The following RADIL variants were observed in gnomAD, a reference collection of about 807,000 sequenced individuals.
RADIL encodes Rap associating with DIL domain, also known as ras-associating and dilute domain-containing protein.
RADIL carries 99 observed loss-of-function variants against 97.6 expected under a neutral mutation model. That is an observed-to-expected ratio of 1.01 (90% CI 0.86 to 1.20). The LOEUF is 1.20. RADIL is among the 50% of genes most tolerant of loss of function. The probability of loss-of-function intolerance (pLI) is 0.00; values close to 1 mark genes in which losing one functional copy is unlikely to be tolerated. For synonymous variants in RADIL, 803 were observed against 691.8 expected, an observed-to-expected ratio of 1.16 and a Z score of -2.52; for missense variants, 1,765 against 1,498.9, an observed-to-expected ratio of 1.18 and a Z score of -2.93.
chr7:4,830,365 T>C (rs973202108), intron 5 of RADIL, among the ~76,000 whole-genome samples: 1 of 151,634 alleles, frequency 6.6e-6, no homozygotes, highest in African/African-American at 2.4e-5. Flanking sequence ...GGGCTGCACG[T>C]CTGTATCAGA....
At chr7:4,871,982 C>T (rs1784266731) in intron 2 of RADIL, among the ~76,000 whole-genome samples, 1 of 152,168 alleles carries the variant, frequency 6.6e-6, no homozygotes, top group African/African-American at 2.4e-5. Flanking sequence ...TCCCTGTCTC[C>T]AGGAACGCAT....
intron 11 of RADIL, among the ~76,000 whole-genome samples, chr7:4,802,643 C>T (rs1203119718): frequency 2.4e-5 from 3 of 124,720 alleles, no homozygotes. Context: ...CCTCCCCGGG[C>T]ACCTCGGGGC....
At chr7:4,836,685 C>G (rs1783310428) in intron 2 of RADIL, 80 bp from the exon 3 acceptor site, 2 of 1,567,734 alleles carry the variant, frequency 1.3e-6, no homozygotes, top group Non-Finnish European at 1.7e-6. Context: ...CCCCTGTAAT[C>G]CCAGCACTTT....
Position 4,877,755 on chromosome 7 carries a change from G to T in RADIL, c.385C>A (p.Arg129=). ...AGDAGQRWQA[R]CFRVFGDSEK... is the part of the protein sequence containing the mutation. ...CTGTCCCCAAACACCCGAAAGCACC[G>T]GGCCTGCCACCGCTGCCCAGCATCG... Residue 129 remains arginine, a synonymous_variant, in exon 2 of 15, where the codon CGG becomes AGG. Coordinates refer to ENST00000399583, the MANE Select transcript of RADIL (RefSeq NM_018059.5). The T allele has an allele frequency of 6.2e-7, 1 of 1,613,520 alleles. No homozygotes were observed. Among genetic ancestry groups the T allele is most frequent in the Non-Finnish European group, 8.5e-7 (1 of 1,180,020 alleles).
chr7:4,807,996 TC>T, intron 9 of RADIL, among the ~76,000 whole-genome samples: 4 of 70,128 alleles, frequency 5.7e-5, no homozygotes, highest in African/African-American at 2.0e-4. Flanking sequence ...CCTGTCTCTC[TC>T]CCCTCCCTCC....
At chr7:4,832,687 C>T (rs141265789) in intron 4 of RADIL, among the ~76,000 whole-genome samples, 2,230 of 140,530 alleles carry the variant, frequency 0.016, 31 homozygotes, top group Middle Eastern at 0.034. Flanking sequence ...TGCAGTGAGA[C>T]GAGATCACGC....
At chr7:4,826,304 T>C (rs1782974190) in intron 5 of RADIL, among the ~76,000 whole-genome samples, 2 of 152,050 alleles carry the variant, frequency 1.3e-5, no homozygotes, top group African/African-American at 4.8e-5. Flanking sequence ...ATAATGTCAG[T>C]AATAAAATGA....
intron 2 of RADIL, among the ~76,000 whole-genome samples, chr7:4,869,224 C>T (rs545621950): frequency 9.7e-4 from 147 of 152,318 alleles, no homozygotes; most frequent in African/African-American, 3.4e-3. Context: ...CCTTGACCTT[C>T]TGGGCTCAAG....
Position 4,877,984 on chromosome 7 carries a change from G to T in RADIL, c.156C>A (p.Pro52=), listed in dbSNP as rs763500072. 10 of 1,612,086 alleles carry T rather than the reference G, an allele frequency of 6.2e-6. No individual in the cohort carries two copies. In the Admixed American group the frequency reaches 1.5e-4, roughly 24 times the overall value. Residue 52 remains proline, a synonymous_variant, in exon 2 of 15, where the codon CCC becomes CCA. Transcript: ENST00000399583. ...CCGACAGCTGGGTGGAGAGCTCGGC[G>T]GGGTCATCGCTGGCGCCCAGGCTGG... is the stretch of plus-strand genomic sequence containing the variant. ...TFSSLGASDD[P]AELSTQLSAP...
chr7:4,803,542 G>C lies in RADIL; in HGVS notation c.2499+4C>G. Reference sequence around the variant, plus strand: ...GCTGGCTGGGGGGCCCCCTCCCCGGGTACCTCGGGGCACACTGGCTGGGAG... The same window carrying C: ...GCTGGCTGGGGGGCCCCCTCCCCGGCTACCTCGGGGCACACTGGCTGGGAG... On this transcript the variant is annotated splice_donor_region_variant and intron_variant, in intron 11 of 14. Transcript: ENST00000399583. 3.3e-6 allele frequency: 5 copies of C among 1,533,334 alleles called. No individual in the cohort carries two copies. The highest frequency in any genetic ancestry group is 2.3e-4 in the Middle Eastern group (1 of 4,326). 95.0% of individuals were successfully genotyped at this position (1,533,334 alleles called of 1,614,324 possible). A position where few individuals can be genotyped will look rare whatever the true frequency, so the allele number is the denominator to read the frequency against.
chr7:4,861,851 G>GCGACCTT (rs773175652), intron 2 of RADIL: 3 of 1,352,362 alleles, frequency 2.2e-6, no homozygotes, highest in Non-Finnish European at 2.9e-6. Context: ...CCCCACCACC[G>GCGACCTT]CGACCTTCGC....
rs772877747 is a variant in RADIL, at chr7:4,797,661, C to T, written c.*1717G>A. The T allele has an allele frequency of 2.6e-5, 4 of 152,252 alleles. No individual in the cohort carries two copies. The highest frequency in any genetic ancestry group is 5.9e-5 in the Non-Finnish European group (4 of 68,056). The allele number at this position is 152,252 out of a possible 1,614,324, so 9.4% of individuals were successfully genotyped here. ...TGAGACATTCTCGGCAGTGCTAACACACACGTTGTGGGACTCCTAGGAAAA... is the reference window on the plus strand; with the variant it reads ...TGAGACATTCTCGGCAGTGCTAACATACACGTTGTGGGACTCCTAGGAAAA... On this transcript the variant is annotated 3_prime_UTR_variant, in exon 15 of 15. Transcript: ENST00000399583.
At chr7:4,820,235 C>T (rs907000604) in intron 6 of RADIL, among the ~76,000 whole-genome samples, 11 of 152,202 alleles carry the variant, frequency 7.2e-5, no homozygotes, top group African/African-American at 1.9e-4. Flanking sequence ...GGCCACCTGC[C>T]GGCTGCAAAT....
rs1784300145 is a variant in RADIL, at chr7:4,873,452, G to A, written c.535+4153C>T. Reference sequence around the variant, plus strand: ...TTCCCTTTCTCGCCACTTTTTCCAGGTGAGATCGAACTGTTATCTCACCAG... The same window carrying A: ...TTCCCTTTCTCGCCACTTTTTCCAGATGAGATCGAACTGTTATCTCACCAG... On this transcript the variant is annotated intron_variant, in intron 2 of 14. Transcript: ENST00000399583. The surrounding 1 kb of genome is among the most constrained non-coding windows in gnomAD (Gnocchi z 4.3). Among the ~76,000 whole-genome samples the A allele has an allele frequency of 2.6e-5, 4 of 152,222 alleles. 1 individual carries two copies. Among genetic ancestry groups the A allele is most frequent in the African/African-American group, 9.6e-5 (4 of 41,524 alleles).
Position 4,865,151 on chromosome 7 carries a change from C to T in RADIL, c.535+12454G>A, listed in dbSNP as rs530563933. 2.6e-5 allele frequency among the ~76,000 whole-genome samples: 4 copies of T among 152,318 alleles called. No individual in the cohort carries two copies. In the South Asian group the frequency reaches 8.3e-4, roughly 32 times the overall value. ...GCTCTCTACCTGGTTGGTGTGTTGT[C>T]ATCTTTGAGACTGGCTTACATTTCA... On this transcript the variant is annotated intron_variant, in intron 2 of 14. Coordinates refer to ENST00000399583, the MANE Select transcript of RADIL (RefSeq NM_018059.5).
At chr7:4,876,117 G>C (rs924442603) in intron 2 of RADIL, among the ~76,000 whole-genome samples, 1 of 151,924 alleles carries the variant, frequency 6.6e-6, no homozygotes, top group African/African-American at 2.4e-5. Flanking sequence ...GCCTCCTGAG[G>C]AGCTGGGACC....
At chr7:4,805,475 C>T in intron 10 of RADIL, 91 bp downstream of exon 10, 3 of 1,434,832 alleles carry the variant, frequency 2.1e-6, no homozygotes, top group Non-Finnish European at 2.8e-6. Context: ...CCACACCCCA[C>T]TTCAGTTGGG....
intron 11 of RADIL, among the ~76,000 whole-genome samples, chr7:4,802,639 C>T (rs1314108790): frequency 7.5e-6 from 1 of 133,534 alleles, no homozygotes; most frequent in Admixed American, 7.3e-5. Context: ...ACCCCCTCCC[C>T]GGGCACCTCG....
rs375398645 is a variant in RADIL, at chr7:4,832,127, C to A, written c.1454+14G>T. Reference sequence around the variant, plus strand: ...GCTGCCCAGAGGCGGGCACAATAACCGGGTCATACTCACAGTTGCGCCTGC... The same window carrying A: ...GCTGCCCAGAGGCGGGCACAATAACAGGGTCATACTCACAGTTGCGCCTGC... On this transcript the variant is annotated intron_variant, in intron 5 of 14. Transcript: ENST00000399583. The A allele has an allele frequency of 1.4e-4, 227 of 1,605,838 alleles. No homozygotes were observed. In the African/African-American group the frequency reaches 2.2e-3, roughly 16 times the overall value.
Sources: allele counts gnomAD v4.1 joint callset (sites outside exome capture counted in the v4.1 genomes callset), GRCh38; gene constraint gnomAD v4.1.1; non-coding constraint Gnocchi (gnomAD v3.1); transcripts MANE v1.5; gene names NCBI Gene and HGNC (gene_info 2026-07-23, HGNC 2026-07-21).